PIGU: variants seen among roughly 807,000 people sequenced by gnomAD.
PIGU encodes the protein phosphatidylinositol glycan anchor biosynthesis class U, also known as GPI-anchor transamidase component PIGU.
Under a neutral mutation model 49.9 loss-of-function variants are expected in PIGU, and 24 were observed. The observed-to-expected ratio is 0.48, with a 90% confidence interval of 0.35 to 0.68. The LOEUF is 0.68. Ranked by LOEUF, PIGU falls within the 30% of genes least tolerant of loss-of-function variation. The probability of loss-of-function intolerance (pLI) is 0.01; values close to 1 mark genes in which losing one functional copy is unlikely to be tolerated. For missense variants in PIGU, 490 were observed against 532.6 expected (o/e 0.92, Z 0.79); for synonymous variants, 220 against 205.7 (o/e 1.07, Z -0.59).
chr20:34,582,537 G>A (rs919643988), intron 9 of PIGU, among the ~76,000 whole-genome samples: 4 of 151,960 alleles, frequency 2.6e-5, no homozygotes, highest in African/African-American at 7.3e-5. Flanking sequence ...AAAATTAGCC[G>A]GGTGTGGTGG....
chr20:34,657,154 C>G (rs770750914), intron 2 of PIGU, 26 bp downstream of exon 2: 3 of 1,564,590 alleles, frequency 1.9e-6, no homozygotes, highest in Middle Eastern at 1.7e-4. Flanking sequence ...CTCTTGGTAC[C>G]CAGAAAAGAA....
At chr20:34,673,176 C>T (rs896836850) in intron 1 of PIGU, among the ~76,000 whole-genome samples, 5 of 151,280 alleles carry the variant, frequency 3.3e-5, no homozygotes, top group African/African-American at 1.2e-4. Flanking sequence ...ATGGCGTAAA[C>T]CCGGGAGGCG....
At chr20:34,665,703 T>A (rs1243416813) in intron 1 of PIGU, among the ~76,000 whole-genome samples, 1 of 152,144 alleles carries the variant, frequency 6.6e-6, no homozygotes, top group Non-Finnish European at 1.5e-5. Context: ...CTTACTTTTC[T>A]AATTTTGGTG....
chr20:34,634,802 A>G lies in PIGU; in HGVS notation c.429-87T>C, dbSNP rs1054066668. 6.5e-6 allele frequency: 10 copies of G among 1,529,268 alleles called. No individual in the cohort carries two copies. The African/African-American group carries it at 8.4e-5, about 13-fold the overall frequency. 94.7% of individuals were successfully genotyped at this position (1,529,268 alleles called of 1,614,324 possible). A position where few individuals can be genotyped will look rare whatever the true frequency, so the allele number is the denominator to read the frequency against. On this transcript the variant is annotated intron_variant, in intron 5 of 11. Transcript: ENST00000217446. ...GCAAGGAAGTTCCAAGAGATTTATTAAAAGCTTACGCAAAGGAAGGCAGCT... is the reference window on the plus strand; with the variant it reads ...GCAAGGAAGTTCCAAGAGATTTATTGAAAGCTTACGCAAAGGAAGGCAGCT...
At chr20:34,575,515 T>C (rs1476589230) in intron 10 of PIGU, among the ~76,000 whole-genome samples, 1 of 152,142 alleles carries the variant, frequency 6.6e-6, no homozygotes, top group African/African-American at 2.4e-5. Flanking sequence ...TAGTTAGAAA[T>C]GCCATGAGTG....
At chr20:34,615,198 A>C (rs1984961268) in intron 7 of PIGU, among the ~76,000 whole-genome samples, 1 of 152,246 alleles carries the variant, frequency 6.6e-6, no homozygotes, top group Non-Finnish European at 1.5e-5. Flanking sequence ...AGTTCTTATG[A>C]GGTTAAAATG....
intron 6 of PIGU, among the ~76,000 whole-genome samples, chr20:34,627,845 A>G (rs890651841): frequency 3.3e-5 from 5 of 152,366 alleles, no homozygotes; most frequent in South Asian, 2.1e-4. Flanking sequence ...CAGACAGCAG[A>G]GTATTTACTG....
intron 10 of PIGU, among the ~76,000 whole-genome samples, chr20:34,579,945 C>T (rs2146704376): frequency 6.6e-6 from 1 of 152,206 alleles, no homozygotes; most frequent in East Asian, 1.9e-4. Flanking sequence ...TATTCTTTCT[C>T]AAACTTAACA....
At chr20:34,640,687 G>A (rs1367799203) in intron 4 of PIGU, among the ~76,000 whole-genome samples, 1 of 152,100 alleles carries the variant, frequency 6.6e-6, no homozygotes, top group Non-Finnish European at 1.5e-5. Flanking sequence ...TAGTGACCTG[G>A]ATATCTTACC....
chr20:34,585,403 T>A (rs750800361), intron 9 of PIGU, 34 bp downstream of exon 9: 6 of 1,610,430 alleles, frequency 3.7e-6, no homozygotes, highest in Non-Finnish European at 5.1e-6. Flanking sequence ...CGGACAGCTC[T>A]GTACACACAG....
At chr20:34,619,360 T>C (rs142794595) in intron 6 of PIGU, among the ~76,000 whole-genome samples, 1 of 152,312 alleles carries the variant, frequency 6.6e-6, no homozygotes, top group African/African-American at 2.4e-5. Context: ...AAAGGTGCTG[T>C]TCTGGAGCCC....
intron 6 of PIGU, among the ~76,000 whole-genome samples, chr20:34,619,711 A>G: frequency 6.6e-6 from 1 of 152,222 alleles, no homozygotes; most frequent in East Asian, 1.9e-4. Context: ...CTGACTGTTT[A>G]TGAGGCCCAA....
chr20:34,653,524 C>T (rs1018204412), intron 2 of PIGU, among the ~76,000 whole-genome samples: 2 of 151,918 alleles, frequency 1.3e-5, no homozygotes, highest in African/African-American at 2.4e-5. Context: ...CTTTTTTTTA[C>T]TAACTTATTG....
chr20:34,615,219 TAC>T (rs950992507), intron 7 of PIGU, among the ~76,000 whole-genome samples: 2 of 152,240 alleles, frequency 1.3e-5, no homozygotes, highest in Admixed American at 6.5e-5. Flanking sequence ...AGACGATGCC[TAC>T]AGAGTGCTTA....
intron 6 of PIGU, among the ~76,000 whole-genome samples, chr20:34,622,797 T>C (rs1029074090): frequency 3.3e-5 from 5 of 152,210 alleles, no homozygotes; most frequent in Non-Finnish European, 4.4e-5. Flanking sequence ...GCACAGGCAC[T>C]AGGCTTTCTA....
At chr20:34,601,505 A>G (rs1984423937) in intron 7 of PIGU, among the ~76,000 whole-genome samples, 1 of 152,170 alleles carries the variant, frequency 6.6e-6, no homozygotes, top group Non-Finnish European at 1.5e-5. Context: ...CGAGGTTGTA[A>G]AAGTTGATTA....
At chr20:34,609,368 T>C (rs1225935190) in intron 7 of PIGU, among the ~76,000 whole-genome samples, 2 of 151,120 alleles carry the variant, frequency 1.3e-5, no homozygotes, top group Non-Finnish European at 3.0e-5. Context: ...CCTTTTTTGT[T>C]TTTTTTTTGT....
chr20:34,646,849 C>T (rs751299202), intron 2 of PIGU, among the ~76,000 whole-genome samples: 3 of 151,542 alleles, frequency 2.0e-5, no homozygotes, highest in African/African-American at 7.3e-5. Context: ...TTGAGACAGA[C>T]TCTCGCACTG....
In PIGU at chr20:34,611,078, C is replaced by T. The variant is rs139462324; in HGVS notation, c.627+4964G>A. ...ACTCCAGATGGATTAAAGACTTATACGTAAAACCTAAAACCATAAACCCTA... is the reference window on the plus strand; with the variant it reads ...ACTCCAGATGGATTAAAGACTTATATGTAAAACCTAAAACCATAAACCCTA... On this transcript the variant is annotated intron_variant, in intron 7 of 11. Coordinates refer to ENST00000217446, the MANE Select transcript of PIGU (RefSeq NM_080476.5). 4.1e-3 allele frequency among the ~76,000 whole-genome samples: 631 copies of T among 152,222 alleles called. 14 individuals carry two copies. Among genetic ancestry groups the T allele is most frequent in the African/African-American group, 0.014 (570 of 41,542 alleles).
Sources: allele counts gnomAD v4.1 joint callset (sites outside exome capture counted in the v4.1 genomes callset), GRCh38; gene constraint gnomAD v4.1.1; transcripts MANE v1.5; gene names NCBI Gene and HGNC (gene_info 2026-07-23, HGNC 2026-07-21).